Variants in RAP1GAP observed in about 807,000 individuals in gnomAD.
RAP1GAP encodes the protein RAP1 GTPase activating protein.
In RAP1GAP, 35 loss-of-function variants were observed where a neutral mutation model predicts 87.2. That is an observed-to-expected ratio of 0.40 (90% CI 0.31 to 0.53). The LOEUF (loss-of-function observed/expected upper bound fraction) is 0.53. Among genes scored for constraint, RAP1GAP ranks in the 20% least tolerant of loss-of-function variants. The pLI is 0.48. For synonymous variants in RAP1GAP, 375 were observed against 363.9 expected, an observed-to-expected ratio of 1.03 and a Z score of -0.35; for missense variants, 734 against 898.9, an observed-to-expected ratio of 0.82 and a Z score of 2.35.
At chr1:21,638,700 A>G (rs1177504421) in intron 2 of RAP1GAP, among the ~76,000 whole-genome samples, 1 of 152,252 alleles carries the variant, frequency 6.6e-6, no homozygotes, top group Non-Finnish European at 1.5e-5. Context: ...TTGGATGTTT[A>G]TAATGAACAC....
chr1:21,598,026 C>T lies in RAP1GAP; in HGVS notation c.1918G>A (p.Gly640Arg). Reference protein sequence around the residue: ...RSPHPDAGKLGDPACPEIKIQ... With the variant: ...RSPHPDAGKLRDPACPEIKIQ... ...TTGATCTCGGGACACGCAGGGTCCC[C>T]CAACTTGCCGGCGTCTGGGTGGGGT... is the stretch of plus-strand genomic sequence containing the variant. Residue 640 changes from glycine to arginine, a missense_variant, in exon 23 of 25, where the codon GGG becomes AGG. This residue lies in a region of RAP1GAP where 249 missense variants were observed against 252.7 expected (regional missense o/e 0.99). Coordinates refer to ENST00000374765, the MANE Select transcript of RAP1GAP (RefSeq NM_002885.4). 6.3e-7 allele frequency: 1 copy of T among 1,585,124 alleles called. No individual in the cohort carries two copies. Among genetic ancestry groups the T allele is most frequent in the South Asian group, 1.1e-5 (1 of 87,218 alleles).
intron 2 of RAP1GAP, among the ~76,000 whole-genome samples, chr1:21,639,860 G>T (rs894598960): frequency 1.3e-5 from 2 of 152,192 alleles, no homozygotes; most frequent in African/African-American, 4.8e-5. Context: ...GTGACTCTGT[G>T]GGTGAGAATG....
intron 3 of RAP1GAP, among the ~76,000 whole-genome samples, chr1:21,625,401 TAGAAAC>T (rs1181461854): frequency 6.6e-6 from 1 of 152,212 alleles, no homozygotes. Flanking sequence ...GGGTGTGCTT[TAGAAAC>T]TGCAAAAAGT....
chr1:21,621,470 C>G (rs913944731), intron 3 of RAP1GAP, among the ~76,000 whole-genome samples: 1 of 152,232 alleles, frequency 6.6e-6, no homozygotes, highest in African/African-American at 2.4e-5. Flanking sequence ...AATGTGCACA[C>G]TGTGAGGCCT....
intron 1 of RAP1GAP, among the ~76,000 whole-genome samples, chr1:21,666,212 G>A (rs1252354235): frequency 6.6e-6 from 1 of 152,216 alleles, no homozygotes; most frequent in Non-Finnish European, 1.5e-5. Flanking sequence ...GAGGCACAGG[G>A]TGCCAGGGCC....
chr1:21,662,847 C>A (rs1246989968), intron 1 of RAP1GAP, among the ~76,000 whole-genome samples: 3 of 152,182 alleles, frequency 2.0e-5, no homozygotes, highest in Middle Eastern at 3.2e-3. Flanking sequence ...CCTCTCTGAG[C>A]CCTTGAGGGT....
At chr1:21,665,619 C>G (rs2097316585) in intron 1 of RAP1GAP, among the ~76,000 whole-genome samples, 1 of 152,238 alleles carries the variant, frequency 6.6e-6, no homozygotes, top group African/African-American at 2.4e-5. Flanking sequence ...TCCTCTGCCT[C>G]TTTTCCCTTC....
At chr1:21,651,449 CGGA>C in intron 1 of RAP1GAP, 1 of 587,330 alleles carries the variant, frequency 1.7e-6, no homozygotes, top group South Asian at 1.4e-5. Context: ...CACACACAGG[CGGA>C]GTAGCCCCGC....
intron 1 of RAP1GAP, among the ~76,000 whole-genome samples, chr1:21,657,703 T>G (rs2096920115): frequency 6.6e-6 from 1 of 152,180 alleles, no homozygotes; most frequent in African/African-American, 2.4e-5. Flanking sequence ...AGAGCTCCCC[T>G]CAGGAAGCTG....
chr1:21,610,891 C>T (rs1332698812), intron 13 of RAP1GAP, among the ~76,000 whole-genome samples: 3 of 152,194 alleles, frequency 2.0e-5, no homozygotes, highest in Non-Finnish European at 4.4e-5. Flanking sequence ...CTTTTATCCC[C>T]CTGGGCTGGG....
intron 2 of RAP1GAP, among the ~76,000 whole-genome samples, chr1:21,643,393 A>G (rs899609729): frequency 6.6e-6 from 1 of 151,982 alleles, no homozygotes; most frequent in Non-Finnish European, 1.5e-5. Context: ...CCCCATCTCT[A>G]CTAAAAATAC....
chr1:21,651,430 A>ACGCATGCACACG, intron 1 of RAP1GAP: 1 of 571,218 alleles, frequency 1.8e-6, no homozygotes, highest in South Asian at 1.4e-5. Context: ...GCATGCACAC[A>ACGCATGCACACG]CACGCGCGCA....
chr1:21,602,845 G>A lies in RAP1GAP; in HGVS notation c.1497C>T (p.Ser499=), dbSNP rs1434240269. 17 of 1,610,766 alleles carry A rather than the reference G, an allele frequency of 1.1e-5. No homozygotes were observed. Among genetic ancestry groups the A allele is most frequent in the South Asian group, 4.4e-5 (4 of 91,060 alleles). The part of the protein sequence containing the change: ...KSGPFGSRRS[S]AIGIENIQEV... Reference sequence around the variant, plus strand: ...CCTGTATGTTCTCGATGCCAATGGCGCTGCTGCGGCGGGAGCCGAACGGGC... The same window carrying A: ...CCTGTATGTTCTCGATGCCAATGGCACTGCTGCGGCGGGAGCCGAACGGGC... Residue 499 remains serine, a synonymous_variant, in exon 19 of 25, where the codon AGC becomes AGT. Coordinates refer to ENST00000374765, the MANE Select transcript of RAP1GAP (RefSeq NM_002885.4).
chr1:21,651,968 C>A, intron 1 of RAP1GAP: 1 of 615,198 alleles, frequency 1.6e-6, no homozygotes, highest in South Asian at 6.8e-5. Context: ...GTCCAGCTGC[C>A]GGGGGCCGCC....
intron 2 of RAP1GAP, among the ~76,000 whole-genome samples, chr1:21,627,324 C>T (rs951530074): frequency 6.6e-6 from 1 of 151,506 alleles, no homozygotes; most frequent in Admixed American, 6.6e-5. Context: ...CAGGCAGAGC[C>T]GGGGCTGCCA....
chr1:21,605,967 A>G, intron 18 of RAP1GAP, 99 bp downstream of exon 18: 1 of 1,391,476 alleles, frequency 7.2e-7, no homozygotes, highest in South Asian at 1.3e-5. Context: ...TGTGGGCAGC[A>G]GGGCAACAGA....
At chr1:21,632,489 G>A (rs1218256684) in intron 2 of RAP1GAP, among the ~76,000 whole-genome samples, 1 of 152,206 alleles carries the variant, frequency 6.6e-6, no homozygotes, top group Non-Finnish European at 1.5e-5. Context: ...TTGGAGAGGT[G>A]AAAACACGAC....
chr1:21,597,725 A>G lies in RAP1GAP; in HGVS notation c.1987T>C (p.Cys663Arg). The change falls in exon 24 of 25, where the codon TGT becomes CGT. Residue 663 changes from cysteine (C) to arginine (R), a missense_variant. Physicochemically the swap from Cys to Arg is radical, Grantham distance 180. Coordinates refer to ENST00000374765, the MANE Select transcript of RAP1GAP (RefSeq NM_002885.4). ...CTTCAGAGGGGGTGGCCCGGCTAAC[A>G]GCCCTGCAGACAGACAGTGGTGGTG... The part of the protein sequence containing the change: ...ASEQHMPQLG[C>R] 6.2e-7 allele frequency: 1 copy of G among 1,613,576 alleles called. No individual in the cohort carries two copies.
intron 2 of RAP1GAP, among the ~76,000 whole-genome samples, chr1:21,630,659 CCTTCCCCCTCGGCCTCCTAGTAG>C (rs2093552185): frequency 6.6e-6 from 1 of 152,052 alleles, no homozygotes; most frequent in South Asian, 2.1e-4. Flanking sequence ...CTCAAGTGAT[CCTTCCCCCTCGGCCTCCTAGTAG>C]CTGGGACTAC....
Sources: gnomAD v4.1 joint callset for allele counts (sites outside exome capture counted in the v4.1 genomes callset) on GRCh38, gnomAD v4.1.1 for gene constraint, gnomAD v4.1.1 regional missense constraint, MANE v1.5 for transcripts, NCBI Gene and HGNC (gene_info 2026-07-23, HGNC 2026-07-21) for gene names.